Variants in CHST9 observed in about 807,000 individuals in gnomAD.
CHST9 encodes GalNAc-4-sulfotransferase 2.
CHST9 carries 41 observed loss-of-function variants against 44.4 expected under a neutral mutation model. The ratio of observed to expected loss-of-function variants is 0.92; its 90% CI spans 0.72 to 1.20. CHST9 has a LOEUF of 1.20. Ranked by LOEUF, CHST9 falls within the 50% of genes most tolerant of loss-of-function variation. The pLI is 0.00. For synonymous variants in CHST9, 171 were observed against 178.4 expected, an observed-to-expected ratio of 0.96 and a Z score of 0.33; for missense variants, 504 against 516.5, an observed-to-expected ratio of 0.98 and a Z score of 0.23.
chr18:26,995,330 C>A (rs962575789), intron 4 of CHST9, among the ~76,000 whole-genome samples: 2 of 149,500 alleles, frequency 1.3e-5, no homozygotes. Flanking sequence ...CTCAGTTACT[C>A]GGGAGGCTGA....
In CHST9 at chr18:26,944,103, C is replaced by G. The variant is rs117546954; in HGVS notation, c.240+226G>C. On this transcript the variant is annotated intron_variant, in intron 5 of 5. Transcript: ENST00000618847. ...GCAGAGTCTCATTAGTCTACTGTTT[C>G]CTGTTTGGATAGGATGTGGTTGGGA... Among the ~76,000 whole-genome samples the G allele has an allele frequency of 4.2e-3, 633 of 152,196 alleles. 10 individuals carry two copies. The highest frequency in any genetic ancestry group is 0.025 in the Admixed American group (378 of 15,290).
intron 4 of CHST9, among the ~76,000 whole-genome samples, chr18:27,015,865 T>C (rs2057147456): frequency 6.6e-6 from 1 of 152,228 alleles, no homozygotes; most frequent in Non-Finnish European, 1.5e-5. Flanking sequence ...TCGCAAGGTC[T>C]CAATCTAAGT....
At chr18:27,040,758 C>T (rs910307096) in intron 3 of CHST9, among the ~76,000 whole-genome samples, 1 of 152,108 alleles carries the variant, frequency 6.6e-6, no homozygotes, top group Admixed American at 6.6e-5. Context: ...ACAAGTATAT[C>T]ATTTACAGTT....
At chr18:27,054,769 G>A (rs111275902) in intron 2 of CHST9, among the ~76,000 whole-genome samples, 1 of 152,052 alleles carries the variant, frequency 6.6e-6, no homozygotes, top group Non-Finnish European at 1.5e-5. Context: ...TCATAACTCA[G>A]TATCTCATGT....
At chr18:26,939,130 A>C (rs1214817435) in intron 5 of CHST9, among the ~76,000 whole-genome samples, 1 of 152,212 alleles carries the variant, frequency 6.6e-6, no homozygotes, top group Non-Finnish European at 1.5e-5. Context: ...TTGGGATATA[A>C]ATGATTAGAA....
intron 3 of CHST9, among the ~76,000 whole-genome samples, chr18:27,033,459 T>C (rs2057361109): frequency 6.6e-6 from 1 of 152,316 alleles, no homozygotes; most frequent in South Asian, 2.1e-4. Flanking sequence ...AGACTTGCCC[T>C]TATGTCCAAT....
chr18:27,017,600 G>T (rs1305819400), intron 4 of CHST9, among the ~76,000 whole-genome samples: 2 of 152,106 alleles, frequency 1.3e-5, no homozygotes, highest in Admixed American at 6.6e-5. Flanking sequence ...GTAGAGAGAA[G>T]GTAGAAGAAG....
At chr18:27,162,113 A>G (rs1260537186) in intron 1 of CHST9, among the ~76,000 whole-genome samples, 1 of 152,082 alleles carries the variant, frequency 6.6e-6, no homozygotes, top group Non-Finnish European at 1.5e-5. Context: ...TTTACATTTA[A>G]GATTAATATT....
intron 4 of CHST9, among the ~76,000 whole-genome samples, chr18:27,015,356 T>TGTGC (rs1555676765): frequency 1.3e-5 from 2 of 149,392 alleles, no homozygotes; most frequent in African/African-American, 4.9e-5. Context: ...TGTGTGTGTG[T>TGTGC]GTGCAGGCAC....
chr18:27,092,385 A>G (rs1440175934), intron 2 of CHST9, among the ~76,000 whole-genome samples: 1 of 151,900 alleles, frequency 6.6e-6, no homozygotes, highest in East Asian at 1.9e-4. Context: ...TGATCTTTTC[A>G]AAAAACCAGC....
At chr18:26,976,536 G>C (rs2056625716) in intron 4 of CHST9, among the ~76,000 whole-genome samples, 1 of 152,110 alleles carries the variant, frequency 6.6e-6, no homozygotes, top group Non-Finnish European at 1.5e-5. Context: ...AGCTGGGCCA[G>C]ACAGGGATCC....
intron 1 of CHST9, among the ~76,000 whole-genome samples, chr18:27,166,412 C>G (rs2143944452): frequency 6.6e-6 from 1 of 152,260 alleles, no homozygotes; most frequent in Admixed American, 6.5e-5. Flanking sequence ...GAACTAGCTG[C>G]ATTCTTTTTT....
At chr18:27,081,135 C>G (rs186546595) in intron 2 of CHST9, among the ~76,000 whole-genome samples, 1 of 152,194 alleles carries the variant, frequency 6.6e-6, no homozygotes, top group East Asian at 1.9e-4. Flanking sequence ...AGAATCAGTT[C>G]CAGCCTAGCC....
chr18:27,085,496 AGT>A (rs2058003349), intron 2 of CHST9, among the ~76,000 whole-genome samples: 1 of 152,108 alleles, frequency 6.6e-6, no homozygotes, highest in African/African-American at 2.4e-5. Flanking sequence ...AAGACACACA[AGT>A]GGTCAATAAA....
At chr18:26,944,962 A>G (rs1160330261) in intron 4 of CHST9, among the ~76,000 whole-genome samples, 1 of 152,214 alleles carries the variant, frequency 6.6e-6, no homozygotes, top group African/African-American at 2.4e-5. Context: ...CAACCAAGGG[A>G]CATAAAAAAT....
rs537522417 is a variant in CHST9, at chr18:27,148,455, T to G, written c.-96-5550A>C. ...CCCGTGTGTGATGTTCCCCTTCCTG[T>G]GTCCATGTATTCTCATTGTTCAATT... is the stretch of plus-strand genomic sequence containing the variant. On this transcript the variant is annotated intron_variant, in intron 1 of 5. Coordinates refer to ENST00000618847, the MANE Select transcript of CHST9 (RefSeq NM_031422.6). 2.2e-5 allele frequency among the ~76,000 whole-genome samples: 3 copies of G among 134,336 alleles called. No homozygotes were observed. In the Admixed American group the frequency reaches 2.5e-4, roughly 11 times the overall value. 88.1% of individuals were successfully genotyped at this position (134,336 alleles called of 152,430 possible).
intron 4 of CHST9, among the ~76,000 whole-genome samples, chr18:26,952,757 A>G (rs2056267914): frequency 6.6e-6 from 1 of 152,304 alleles, no homozygotes; most frequent in East Asian, 1.9e-4. Flanking sequence ...TCACTGTGTC[A>G]GATACCTCCT....
chr18:26,992,268 T>C, intron 4 of CHST9, among the ~76,000 whole-genome samples: 1 of 97,544 alleles, frequency 1.0e-5, no homozygotes. Context: ...ACCACATCTA[T>C]GCTGGAAACA....
intron 4 of CHST9, among the ~76,000 whole-genome samples, chr18:26,960,906 T>G (rs2056390651): frequency 6.6e-6 from 1 of 152,222 alleles, no homozygotes; most frequent in African/African-American, 2.4e-5. Context: ...TTATGAATAT[T>G]TGTCCTAATT....
Sources: allele counts gnomAD v4.1 joint callset (sites outside exome capture counted in the v4.1 genomes callset), GRCh38; gene constraint gnomAD v4.1.1; transcripts MANE v1.5; gene names NCBI Gene and HGNC (gene_info 2026-07-23, HGNC 2026-07-21).